Variants in MYH9 observed in about 807,000 individuals in gnomAD.
The protein encoded by MYH9 is myosin-9.
Under a neutral mutation model 241.9 loss-of-function variants are expected in MYH9, and 29 were observed. That is an observed-to-expected ratio of 0.12 (90% CI 0.09 to 0.16). The LOEUF (loss-of-function observed/expected upper bound fraction) is 0.16. MYH9 is among the 10% of genes least tolerant of loss of function. The pLI is 1.00. For missense variants in MYH9, 1,803 were observed against 2,595.5 expected (o/e 0.69, Z 6.63); for synonymous variants, 1,047 against 1,062.6 (o/e 0.99, Z 0.29).
chr22:36,351,470 G>C (rs2017764523), intron 1 of MYH9, among the ~76,000 whole-genome samples: 1 of 152,130 alleles, frequency 6.6e-6, no homozygotes, highest in Non-Finnish European at 1.5e-5. Flanking sequence ...TCTATACCAG[G>C]AGCAGCCTCC....
chr22:36,313,970 AC>A (rs2017109256), intron 13 of MYH9, among the ~76,000 whole-genome samples, 174 bp downstream of exon 13: 1 of 152,144 alleles, frequency 6.6e-6, no homozygotes, highest in South Asian at 2.1e-4. Flanking sequence ...GGAGGCACCC[AC>A]CCAGGCCTCC....
At position 36,360,586 on chromosome 22, in the gene MYH9, A is replaced by G. The variant is rs1260709733; in HGVS notation, c.-19-11331T>C. 7.2e-5 allele frequency among the ~76,000 whole-genome samples: 11 copies of G among 151,832 alleles called. No individual in the cohort carries two copies. In the East Asian group the frequency reaches 2.1e-3, roughly 29 times the overall value. On this transcript the variant is annotated intron_variant, in intron 1 of 40. Transcript: ENST00000216181. ...AAATTAGCCGGGCATGGTGGCGGGCACCTGTAGTCCCAGCTACTCTGGAGG... is the reference window on the plus strand; with the variant it reads ...AAATTAGCCGGGCATGGTGGCGGGCGCCTGTAGTCCCAGCTACTCTGGAGG...
In MYH9 at chr22:36,300,395, C is replaced by A; in HGVS notation, c.2839-131G>T. The A allele has an allele frequency of 7.3e-7, 1 of 1,361,630 alleles. No homozygotes were observed. The highest frequency in any genetic ancestry group is 1.2e-5 in the South Asian group (1 of 83,840). The allele number at this position is 1,361,630 out of a possible 1,614,324, so 84.3% of individuals were successfully genotyped here. A position where few individuals can be genotyped will look rare whatever the true frequency, so the allele number is the denominator to read the frequency against. On this transcript the variant is annotated intron_variant, in intron 22 of 40. Coordinates refer to ENST00000216181, the MANE Select transcript of MYH9 (RefSeq NM_002473.6). This position sits in a 1 kb window ranked among gnomAD's most constrained non-coding sequence, Gnocchi z 5.0. The stretch of plus-strand genomic sequence containing the variant: ...AAGGTCTGTGAGCCCAGGGCCATGG[C>A]TGAGGTGGGGACGGCAAGGTCCGCC...
chr22:36,302,599 C>T lies in MYH9; in HGVS notation c.2468G>A (p.Arg823Gln). The T allele has an allele frequency of 6.2e-7, 1 of 1,613,558 alleles. No homozygotes were observed. ...QRNCAAYLKL[R>Q]NWQWWRLFTK... ...GAAGAGCCGCCACCACTGCCAGTTC[C>T]GCAGCTTCAGGTAGGCAGCGCAGTT... is the stretch of plus-strand genomic sequence containing the variant. Residue 823 changes from arginine (R) to glutamine (Q), a missense_variant, in exon 20 of 41, where the codon CGG becomes CAG. Coordinates refer to ENST00000216181, the MANE Select transcript of MYH9 (RefSeq NM_002473.6).
intron 1 of MYH9, among the ~76,000 whole-genome samples, chr22:36,360,037 C>CACCACCACCACCACCACCACCACG (rs1569536879): frequency 2.3e-5 from 3 of 132,234 alleles, no homozygotes; most frequent in Admixed American, 1.5e-4. Context: ...CAAACACCAC[C>CACCACCACCACCACCACCACCACG]ACCACCACCA....
At chr22:36,302,433 A>G (rs887681549) in intron 20 of MYH9, 135 bp downstream of exon 20, 2 of 727,254 alleles carry the variant, frequency 2.8e-6, no homozygotes, top group Non-Finnish European at 4.8e-6. Flanking sequence ...GGATTGCTGG[A>G]GCCCAAGAGT....
At chr22:36,310,323 C>T (rs1569535528) in intron 14 of MYH9, among the ~76,000 whole-genome samples, 1 of 151,846 alleles carries the variant, frequency 6.6e-6, no homozygotes, top group Non-Finnish European at 1.5e-5. Context: ...CCAAGCTGGT[C>T]TCAAACGTCT....
At chr22:36,324,714 C>G (rs1408672703) in intron 5 of MYH9, among the ~76,000 whole-genome samples, 2 of 152,254 alleles carry the variant, frequency 1.3e-5, no homozygotes, top group African/African-American at 2.4e-5. Context: ...ATCAACCAAA[C>G]CGGCCAATGG....
At chr22:36,316,720 C>G (rs759476516) in intron 11 of MYH9, 51 bp from the exon 12 acceptor site, 1 of 1,608,300 alleles carries the variant, frequency 6.2e-7, no homozygotes, top group African/African-American at 1.3e-5. Flanking sequence ...GATCTGAAAA[C>G]CCTCATACCC....
In MYH9 at chr22:36,305,155, T is replaced by G. The variant is rs2016948726; in HGVS notation, c.2160-53A>C. ...TTTTACCCATTGCCTCGATTCCACA[T>G]GCCTGGAATATAGGCGAGAGATTAA... On this transcript the variant is annotated intron_variant, in intron 17 of 40. Transcript: ENST00000216181. The surrounding 1 kb of genome is among the most constrained non-coding windows in gnomAD (Gnocchi z 4.7). The G allele has an allele frequency of 7.0e-7, 1 of 1,422,506 alleles. No homozygotes were observed. Among genetic ancestry groups the G allele is most frequent in the East Asian group, 2.3e-5 (1 of 43,934 alleles). The allele number at this position is 1,422,506 out of a possible 1,614,324, so 88.1% of individuals were successfully genotyped here.
Position 36,376,339 on chromosome 22 carries a change from C to T in MYH9, c.-20+11468G>A, listed in dbSNP as rs1297053063. On this transcript the variant is annotated intron_variant, in intron 1 of 40. Transcript: ENST00000216181. Reference sequence around the variant, plus strand: ...CAGCTCTTCCTCCCTTCCATGCCCACCTTCCCATCCTCCCTCCTCCTCCCA... The same window carrying T: ...CAGCTCTTCCTCCCTTCCATGCCCATCTTCCCATCCTCCCTCCTCCTCCCA... Among the ~76,000 whole-genome samples, 5 of 152,310 alleles carry T rather than the reference C, an allele frequency of 3.3e-5. No homozygotes were observed. The South Asian group carries it at 6.2e-4, about 19-fold the overall frequency.
intron 1 of MYH9, among the ~76,000 whole-genome samples, chr22:36,371,986 A>G (rs1214633197): frequency 2.0e-5 from 3 of 152,008 alleles, no homozygotes; most frequent in Non-Finnish European, 4.4e-5. Flanking sequence ...TGCCTTAATC[A>G]ATGATGTGTC....
intron 1 of MYH9, among the ~76,000 whole-genome samples, chr22:36,380,416 A>G (rs2018238498): frequency 6.6e-6 from 1 of 152,190 alleles, no homozygotes; most frequent in African/African-American, 2.4e-5. Flanking sequence ...GAAGGGGCAT[A>G]ATAGTGGATG....
At chr22:36,287,889 T>C (rs1603482777) in intron 34 of MYH9, among the ~76,000 whole-genome samples, 1 of 152,206 alleles carries the variant, frequency 6.6e-6, no homozygotes, top group African/African-American at 2.4e-5. Context: ...CCGGGCTGCT[T>C]CTTGGAACCA....
intron 18 of MYH9, 77 bp from the exon 19 acceptor site, chr22:36,304,232 G>A (rs2016934539): frequency 6.8e-7 from 1 of 1,473,466 alleles, no homozygotes; most frequent in Admixed American, 1.7e-5. Context: ...AGGCACAGCT[G>A]GAGGTGTGCC....
intron 12 of MYH9, among the ~76,000 whole-genome samples, chr22:36,314,998 G>T (rs1345984747): frequency 6.6e-6 from 1 of 152,022 alleles, no homozygotes; most frequent in Non-Finnish European, 1.5e-5. Context: ...TGCCCAGGCT[G>T]GTCTCAAACT....
At chr22:36,321,220 C>T (rs868183359) in intron 7 of MYH9, among the ~76,000 whole-genome samples, 1 of 152,202 alleles carries the variant, frequency 6.6e-6, no homozygotes, top group Admixed American at 6.5e-5. Context: ...GTTGGGATTA[C>T]AGGCGTGAGC....
At chr22:36,349,375 T>C (rs1043804841) in intron 1 of MYH9, 120 bp from the exon 2 acceptor site, 6 of 773,400 alleles carry the variant, frequency 7.8e-6, no homozygotes, top group East Asian at 2.7e-5. Context: ...TAAAACTCTA[T>C]ATAACCAGGC....
At chr22:36,314,058 A>G in intron 13 of MYH9, 87 bp downstream of exon 13, 1 of 1,500,656 alleles carries the variant, frequency 6.7e-7, no homozygotes, top group Non-Finnish European at 9.3e-7. Flanking sequence ...CACCTCCACA[A>G]CCAACACAGA....
Sources: allele counts gnomAD v4.1 joint callset (sites outside exome capture counted in the v4.1 genomes callset), GRCh38; gene constraint gnomAD v4.1.1; non-coding constraint Gnocchi (gnomAD v3.1); transcripts MANE v1.5; gene names NCBI Gene and HGNC (gene_info 2026-07-23, HGNC 2026-07-21).